Variants in KCNT2 observed in about 807,000 individuals in gnomAD.
KCNT2 encodes potassium sodium-activated channel subfamily T member 2, also known as potassium channel subfamily T member 2.
Under a neutral mutation model 153.8 loss-of-function variants are expected in KCNT2, and 67 were observed. The ratio of observed to expected loss-of-function variants is 0.44; its 90% CI spans 0.36 to 0.53. The LOEUF (loss-of-function observed/expected upper bound fraction) is 0.53, where lower values mean the gene tolerates loss of function less well. KCNT2 is among the 20% of genes least tolerant of loss of function. KCNT2 has a pLI of 0.00. For synonymous variants in KCNT2, 500 were observed against 458.8 expected (o/e 1.09, Z -1.15); for missense variants, 975 against 1,354.8 (o/e 0.72, Z 4.40).
chr1:196,377,663 A>G (rs927869942), intron 13 of KCNT2, among the ~76,000 whole-genome samples: 1 of 152,066 alleles, frequency 6.6e-6, no homozygotes, highest in Non-Finnish European at 1.5e-5. Flanking sequence ...AAGCAGAAAG[A>G]GAAGGGAATA....
At chr1:196,421,314 G>A (rs2148514962) in intron 12 of KCNT2, among the ~76,000 whole-genome samples, 1 of 151,992 alleles carries the variant, frequency 6.6e-6, no homozygotes. Context: ...TACTCTAGAA[G>A]GTATTATGTA....
intron 22 of KCNT2, among the ~76,000 whole-genome samples, chr1:196,298,183 C>A (rs112968864): frequency 1.3e-5 from 2 of 152,192 alleles, no homozygotes; most frequent in East Asian, 3.9e-4. Context: ...TTGCATCAAG[C>A]GTGCATCCTA....
At chr1:196,356,965 AG>A (rs1341220594) in intron 14 of KCNT2, among the ~76,000 whole-genome samples, 1 of 151,878 alleles carries the variant, frequency 6.6e-6, no homozygotes, top group Non-Finnish European at 1.5e-5. Context: ...CTGATTTACT[AG>A]GTACTTTTTA....
chr1:196,459,129 A>T (rs925346474), intron 8 of KCNT2, among the ~76,000 whole-genome samples: 1 of 151,754 alleles, frequency 6.6e-6, no homozygotes, highest in Non-Finnish European at 1.5e-5. Context: ...TGAGGTAATG[A>T]TAAAACCAGT....
intron 14 of KCNT2, among the ~76,000 whole-genome samples, chr1:196,358,088 C>T (rs1667319087): frequency 6.6e-6 from 1 of 151,598 alleles, no homozygotes. Flanking sequence ...ATCATTTTCT[C>T]TAACCTCTCT....
intron 14 of KCNT2, among the ~76,000 whole-genome samples, chr1:196,359,675 A>T (rs1667460295): frequency 6.6e-6 from 1 of 152,026 alleles, no homozygotes; most frequent in Non-Finnish European, 1.5e-5. Flanking sequence ...ACATAGTAAA[A>T]TCTATGCAAG....
At chr1:196,530,914 T>A (rs915440575) in intron 1 of KCNT2, among the ~76,000 whole-genome samples, 1 of 152,116 alleles carries the variant, frequency 6.6e-6, no homozygotes, top group Non-Finnish European at 1.5e-5. Context: ...CATATCATTT[T>A]CCTAACTACT....
chr1:196,392,080 G>A (rs938622568), intron 13 of KCNT2, among the ~76,000 whole-genome samples: 6 of 151,180 alleles, frequency 4.0e-5, no homozygotes, highest in Admixed American at 1.3e-4. Flanking sequence ...AGAGAGCTCC[G>A]CTGATATAAA....
In KCNT2 at chr1:196,373,323, T is replaced by C. The variant is rs1176591485; in HGVS notation, c.1295-75A>G. The C allele has an allele frequency of 1.7e-5, 12 of 719,212 alleles. No individual in the cohort carries two copies. The East Asian group carries it at 2.7e-4, about 16-fold the overall frequency. The allele number at this position is 719,212 out of a possible 1,614,324, so 44.6% of individuals were successfully genotyped here. A position where few individuals can be genotyped will look rare whatever the true frequency, so the allele number is the denominator to read the frequency against. On this transcript the variant is annotated intron_variant, in intron 13 of 27. Transcript: ENST00000294725. ...ATAAAATGTAAAAAATAAAACAAAA[T>C]GAATAAAATGGTAAAAGTCTCAATA...
At chr1:196,470,421 T>C (rs941299592) in intron 5 of KCNT2, among the ~76,000 whole-genome samples, 2 of 152,162 alleles carry the variant, frequency 1.3e-5, no homozygotes, top group Admixed American at 1.3e-4. Context: ...ATGGAACCTA[T>C]GGTCATTTAA....
intron 13 of KCNT2, among the ~76,000 whole-genome samples, chr1:196,386,760 T>A (rs915438986): frequency 1.3e-5 from 2 of 152,122 alleles, no homozygotes; most frequent in Non-Finnish European, 2.9e-5. Context: ...AAGAAGGATT[T>A]AGCTATTGAC....
intron 14 of KCNT2, among the ~76,000 whole-genome samples, chr1:196,365,096 C>A (rs913657676): frequency 1.3e-5 from 2 of 151,952 alleles, no homozygotes; most frequent in African/African-American, 4.8e-5. Context: ...TTTCTTTGGT[C>A]TCATAAATCA....
chr1:196,287,576 T>C (rs927937547), intron 22 of KCNT2, among the ~76,000 whole-genome samples: 12 of 152,124 alleles, frequency 7.9e-5, no homozygotes, highest in African/African-American at 2.9e-4. Flanking sequence ...AAATGAACTC[T>C]TCCCATCTCC....
chr1:196,345,315 G>C (rs1029135895), intron 14 of KCNT2, among the ~76,000 whole-genome samples: 9 of 152,120 alleles, frequency 5.9e-5, no homozygotes, highest in African/African-American at 2.2e-4. Flanking sequence ...GATGATATTT[G>C]AGTAAAAATC....
At position 196,458,281 on chromosome 1, in the gene KCNT2, G is replaced by T. The variant is rs544500107; in HGVS notation, c.638+7012C>A. Among the ~76,000 whole-genome samples the T allele has an allele frequency of 2.0e-5, 3 of 151,720 alleles. No individual in the cohort carries two copies. The South Asian group carries it at 6.2e-4, about 32-fold the overall frequency. On this transcript the variant is annotated intron_variant, in intron 8 of 27. Coordinates refer to ENST00000294725, the MANE Select transcript of KCNT2 (RefSeq NM_198503.5). ...AATTTAAATAAATTATGTTTTGTAA[G>T]ACTTCAATATTAATTATTTCTTTTA...
intron 8 of KCNT2, among the ~76,000 whole-genome samples, chr1:196,449,295 C>G (rs1398871337): frequency 6.6e-6 from 1 of 151,594 alleles, no homozygotes; most frequent in African/African-American, 2.4e-5. Context: ...AATCAATGTG[C>G]TAGCAAACCA....
At chr1:196,479,998 C>T (rs1331466178) in intron 4 of KCNT2, among the ~76,000 whole-genome samples, 9 of 152,196 alleles carry the variant, frequency 5.9e-5, no homozygotes, top group African/African-American at 1.9e-4. Flanking sequence ...TCCCCTTGTG[C>T]AGATAGAAGT....
At position 196,423,133 on chromosome 1, in the gene KCNT2, C is replaced by A; in HGVS notation, c.1122-20G>T. 6.6e-7 allele frequency: 1 copy of A among 1,513,776 alleles called. No individual in the cohort carries two copies. The highest frequency in any genetic ancestry group is 9.1e-7 in the Non-Finnish European group (1 of 1,100,532). 93.8% of individuals were successfully genotyped at this position (1,513,776 alleles called of 1,614,324 possible). A position where few individuals can be genotyped will look rare whatever the true frequency, so the allele number is the denominator to read the frequency against. On this transcript the variant is annotated intron_variant, in intron 11 of 27. Transcript: ENST00000294725. ...TCCATCCTAAATACAGATGGAAAAA[C>A]AAAATAATCACACACTGAAATATCT...
chr1:196,376,113 C>T (rs982417248), intron 13 of KCNT2, among the ~76,000 whole-genome samples: 2 of 151,834 alleles, frequency 1.3e-5, no homozygotes, highest in African/African-American at 4.8e-5. Flanking sequence ...TTCATTCTAA[C>T]TGCCCCTCAT....
Sources: gnomAD v4.1 joint callset for allele counts (sites outside exome capture counted in the v4.1 genomes callset) on GRCh38, gnomAD v4.1.1 for gene constraint, MANE v1.5 for transcripts, NCBI Gene and HGNC (gene_info 2026-07-23, HGNC 2026-07-21) for gene names.